Variants in KCNT1 observed in about 807,000 individuals in gnomAD.
KCNT1 encodes potassium sodium-activated channel subfamily T member 1.
In KCNT1, 78 loss-of-function variants were observed where a neutral mutation model predicts 147.8. That is an observed-to-expected ratio of 0.53 (90% CI 0.44 to 0.64). KCNT1 has a LOEUF of 0.64. KCNT1 is among the 30% of genes least tolerant of loss of function. The pLI, the probability that KCNT1 is intolerant of heterozygous loss-of-function variation, is 0.00. For synonymous variants in KCNT1, 867 were observed against 748.8 expected, an observed-to-expected ratio of 1.16 and a Z score of -2.58; for missense variants, 1,419 against 1,750.3, an observed-to-expected ratio of 0.81 and a Z score of 3.38.
rs543964772 is a variant in KCNT1 at position 135,779,246 on chromosome 9, C to T, written c.2730-113C>T. ...AGTGGGCCCTGCCCTGAGACCCCCC[C>T]ACAGCCATGGGACCCCGCCCTGAGA... On this transcript the variant is annotated intron_variant, in intron 23 of 30. Coordinates refer to ENST00000371757, the MANE Select transcript of KCNT1 (RefSeq NM_020822.3). 1.9e-5 allele frequency: 13 copies of T among 670,588 alleles called. 1 individual carries two copies. Among genetic ancestry groups the T allele is most frequent in the South Asian group, 1.6e-4 (10 of 61,154 alleles). The allele number at this position is 670,588 out of a possible 1,614,324, so 41.5% of individuals were successfully genotyped here. A position where few individuals can be genotyped will look rare whatever the true frequency, so the allele number is the denominator to read the frequency against.
Position 135,752,453 on chromosome 9 carries a change from C to A in KCNT1, c.434+1412C>A, listed in dbSNP as rs1324451091. On this transcript the variant is annotated intron_variant, in intron 4 of 30. Coordinates refer to ENST00000371757, the MANE Select transcript of KCNT1 (RefSeq NM_020822.3). The surrounding 1 kb of genome is among the most constrained non-coding windows in gnomAD (Gnocchi z 5.1). Reference sequence around the variant, plus strand: ...CCCTGACTGACTCTCAAGCTACTTTCCTAGGTCACTCCCCACCCCAAGTCC... The same window carrying A: ...CCCTGACTGACTCTCAAGCTACTTTACTAGGTCACTCCCCACCCCAAGTCC... 1 of 456,440 alleles carries A rather than the reference C, an allele frequency of 2.2e-6. No individual in the cohort carries two copies. The highest frequency in any genetic ancestry group is 1.5e-5 in the South Asian group (1 of 64,556). The allele number at this position is 456,440 out of a possible 1,614,324, so 28.3% of individuals were successfully genotyped here. A position where few individuals can be genotyped will look rare whatever the true frequency, so the allele number is the denominator to read the frequency against.
intron 4 of KCNT1, among the ~76,000 whole-genome samples, chr9:135,751,291 CG>C (rs1165154642): frequency 2.6e-5 from 4 of 151,954 alleles, no homozygotes; most frequent in South Asian, 4.2e-4. Flanking sequence ...TAGCTACTAG[CG>C]GACCCAGAAG....
In KCNT1 at chr9:135,770,823, G is replaced by T. The variant is rs148022360; in HGVS notation, c.1770-34G>T. 0.013 allele frequency: 20,446 copies of T among 1,525,386 alleles called. 194 individuals carry two copies. The highest frequency in any genetic ancestry group is 0.017 in the Non-Finnish European group (18,568 of 1,124,096). The allele number at this position is 1,525,386 out of a possible 1,614,324, so 94.5% of individuals were successfully genotyped here. A position where few individuals can be genotyped will look rare whatever the true frequency, so the allele number is the denominator to read the frequency against. On this transcript the variant is annotated intron_variant, in intron 17 of 30. Coordinates refer to ENST00000371757, the MANE Select transcript of KCNT1 (RefSeq NM_020822.3). ...AGGGAGCGGGACAGGGCGGGTGAGCGGCGGTACCTGAAGTTGCCGGTGCCT... is the reference window on the plus strand; with the variant it reads ...AGGGAGCGGGACAGGGCGGGTGAGCTGCGGTACCTGAAGTTGCCGGTGCCT...
intron 2 of KCNT1, among the ~76,000 whole-genome samples, chr9:135,720,083 G>A (rs1191678949): frequency 1.3e-5 from 2 of 152,106 alleles, no homozygotes; most frequent in Non-Finnish European, 2.9e-5. Context: ...GGCCCCACAG[G>A]CAGCAACTGT....
intron 15 of KCNT1, 63 bp downstream of exon 15, chr9:135,769,000 T>C: frequency 7.9e-7 from 1 of 1,265,166 alleles, no homozygotes; most frequent in Non-Finnish European, 1.1e-6. Context: ...CACACGTGGG[T>C]GATGGTGCAT....
rs1324122652 is a variant in KCNT1, at chr9:135,793,525, G to T, written c.*1364G>T. On this transcript the variant is annotated 3_prime_UTR_variant, in exon 31 of 31. Coordinates refer to ENST00000371757, the MANE Select transcript of KCNT1 (RefSeq NM_020822.3). ...GCTGCTGGGGATCCCCTACACTGGG[G>T]GTCAGGGCTGCCCCAGGTGGGGATG... The T allele has an allele frequency of 6.6e-6, 1 of 152,332 alleles. No individual in the cohort carries two copies. Among genetic ancestry groups the T allele is most frequent in the Non-Finnish European group, 1.5e-5 (1 of 68,146 alleles). The allele number at this position is 152,332 out of a possible 1,614,324, so 9.4% of individuals were successfully genotyped here.
rs756256138 is a variant in KCNT1 at position 135,786,339 on chromosome 9, G to C, written c.3320G>C (p.Arg1107Pro). 1.3e-6 allele frequency: 2 copies of C among 1,590,068 alleles called. No homozygotes were observed. Among genetic ancestry groups the C allele is most frequent in the Non-Finnish European group, 8.5e-7 (1 of 1,169,626 alleles). ...CCCGCAGAGCACCCACTGCTACGGC[G>C]CAAGAGCCTGCAGTGGGCCCGGAGG... Reference protein sequence around the residue: ...GDPAEHPLLRRKSLQWARRLS... With the variant: ...GDPAEHPLLRPKSLQWARRLS... The change falls in exon 29 of 31, where the codon CGC becomes CCC. Residue 1107 changes from arginine to proline, a missense_variant. Arg to Pro is a moderately radical substitution (Grantham distance 103). Around this residue, in one of 5 missense-constraint regions of KCNT1, gnomAD observed 306 missense variants for 294.2 expected, o/e 1.04. Transcript: ENST00000371757.
At chr9:135,785,821 A>G in intron 28 of KCNT1, 1 of 420,302 alleles carries the variant, frequency 2.4e-6, no homozygotes, top group East Asian at 5.1e-5. Flanking sequence ...ATTGACACGC[A>G]GAGGGGGTGA....
chr9:135,741,699 G>T (rs1171107862), intron 2 of KCNT1, among the ~76,000 whole-genome samples: 1 of 152,266 alleles, frequency 6.6e-6, no homozygotes, highest in Non-Finnish European at 1.5e-5. Flanking sequence ...CACCCGGAGA[G>T]CCTGGCGTAG....
At chr9:135,779,274 C>T (rs1217370504) in intron 23 of KCNT1, 85 bp from the exon 24 acceptor site, 4 of 824,826 alleles carry the variant, frequency 4.8e-6, no homozygotes, top group African/African-American at 3.4e-5. Flanking sequence ...CCCTGAGACC[C>T]CCACAGCCAC....
At chr9:135,725,461 G>A (rs1311614332) in intron 2 of KCNT1, among the ~76,000 whole-genome samples, 1 of 152,244 alleles carries the variant, frequency 6.6e-6, no homozygotes, top group Non-Finnish European at 1.5e-5. Context: ...TCAGAGTGAC[G>A]CTACCACGAG....
Position 135,777,455 on chromosome 9 carries a change from G to T in KCNT1, c.2467G>T (p.Ala823Ser), listed in dbSNP as rs769984758. Residue 823 changes from alanine to serine, a missense_variant, in exon 21 of 31, where the codon GCC (alanine) becomes TCC (serine). Ala to Ser is a moderately conservative substitution (Grantham distance 99, BLOSUM62 1). Coordinates refer to ENST00000371757, the MANE Select transcript of KCNT1 (RefSeq NM_020822.3). ...GTACAACTTCATCGTGCCACTGCGGGCCTACTACAGATCCCGCAAGGAGCT... is the reference window on the plus strand; with the variant it reads ...GTACAACTTCATCGTGCCACTGCGGTCCTACTACAGATCCCGCAAGGAGCT... ...GLYNFIVPLR[A>S]YYRSRKELNP... The T allele has an allele frequency of 2.5e-6, 4 of 1,614,042 alleles. No homozygotes were observed. The highest frequency in any genetic ancestry group is 2.5e-6 in the Non-Finnish European group (3 of 1,179,962).
At position 135,768,246 on chromosome 9, in the gene KCNT1, GGGGGGGGGGGGC is replaced by G. The variant is rs1832437076; in HGVS notation, c.1338-363_1338-352del. Reference sequence around the variant, plus strand: ...GAGAGGCCCAGGATGCCTGCGGGGGGGGGGGGGGGGGCACTGGGATACCGGTGGGGGGGGCAC... The same window carrying G: ...GAGAGGCCCAGGATGCCTGCGGGGGGACTGGGATACCGGTGGGGGGGGCAC... On this transcript the variant is annotated intron_variant, in intron 13 of 30. Transcript: ENST00000371757. Among the ~76,000 whole-genome samples, 3 of 39,382 alleles carry G rather than the reference GGGGGGGGGGGGC, an allele frequency of 7.6e-5. 1 individual carries two copies. Among genetic ancestry groups the G allele is most frequent in the Non-Finnish European group, 2.4e-4 (3 of 12,378 alleles). 25.8% of individuals were successfully genotyped at this position (39,382 alleles called of 152,430 possible).
intron 11 of KCNT1, among the ~76,000 whole-genome samples, chr9:135,763,973 C>T (rs1832085762): frequency 2.6e-5 from 4 of 152,140 alleles, no homozygotes; most frequent in South Asian, 2.1e-4. Context: ...GCCTCTGTTC[C>T]GGTCGCCCTG....
intron 1 of KCNT1, among the ~76,000 whole-genome samples, chr9:135,704,992 C>T (rs1157636525): frequency 3.3e-5 from 5 of 152,228 alleles, no homozygotes; most frequent in African/African-American, 1.2e-4. Flanking sequence ...AGGGTCCCCA[C>T]GAGGGCCTCT....
intron 1 of KCNT1, among the ~76,000 whole-genome samples, chr9:135,712,649 G>A (rs771374917): frequency 3.3e-5 from 5 of 152,182 alleles, no homozygotes; most frequent in African/African-American, 4.8e-5. Flanking sequence ...CTGTTTTGCT[G>A]CTGTCCTCCT....
intron 11 of KCNT1, among the ~76,000 whole-genome samples, chr9:135,762,873 T>C (rs752089530): frequency 4.6e-5 from 7 of 152,210 alleles, no homozygotes; most frequent in Admixed American, 6.5e-5. Context: ...GAGAACTGAT[T>C]GCATCGATGG....
chr9:135,752,047 C>T lies in KCNT1; in HGVS notation c.434+1006C>T, dbSNP rs913432417. 1 of 216,900 alleles carries T rather than the reference C, an allele frequency of 4.6e-6. No homozygotes were observed. Among genetic ancestry groups the T allele is most frequent in the Admixed American group, 5.3e-5 (1 of 18,764 alleles). The allele number at this position is 216,900 out of a possible 1,614,324, so 13.4% of individuals were successfully genotyped here. A position where few individuals can be genotyped will look rare whatever the true frequency, so the allele number is the denominator to read the frequency against. ...CATTGGGCCCTGACTTTTTCATACC[C>T]GTAGATTTCCTCAAATGTCTGGTGC... On this transcript the variant is annotated intron_variant, in intron 4 of 30. Transcript: ENST00000371757. This position sits in a 1 kb window ranked among gnomAD's most constrained non-coding sequence, Gnocchi z 5.1.
chr9:135,768,763 GC>G lies in KCNT1; in HGVS notation c.1402-64del. 3 of 1,548,966 alleles carry G rather than the reference GC, an allele frequency of 1.9e-6. 1 individual carries two copies. The South Asian group carries it at 3.5e-5, about 18-fold the overall frequency. On this transcript the variant is annotated intron_variant, in intron 14 of 30. Coordinates refer to ENST00000371757, the MANE Select transcript of KCNT1 (RefSeq NM_020822.3). ...TGAGGGAAGAGACCTGCCCCAGGCTGCCGGTGCCGCCCAGCAGCCCACAGAG... is the reference window on the plus strand; with the variant it reads ...TGAGGGAAGAGACCTGCCCCAGGCTGCGGTGCCGCCCAGCAGCCCACAGAG...
Sources: gnomAD v4.1 joint callset for allele counts (sites outside exome capture counted in the v4.1 genomes callset) on GRCh38, gnomAD v4.1.1 for gene constraint, gnomAD v4.1.1 regional missense constraint, Gnocchi (gnomAD v3.1) non-coding constraint, MANE v1.5 for transcripts, NCBI Gene and HGNC (gene_info 2026-07-23, HGNC 2026-07-21) for gene names.